The following GTF2A1L variants were observed in gnomAD, a reference collection of about 807,000 sequenced individuals.
GTF2A1L encodes the protein TFIIA-alpha and beta-like factor.
A neutral mutation model predicts 49.7 loss-of-function variants in GTF2A1L; 48 were observed. The ratio of observed to expected loss-of-function variants is 0.97; its 90% confidence interval spans 0.77 to 1.23. The LOEUF is 1.23. Ranked by LOEUF, GTF2A1L falls within the 50% of genes most tolerant of loss-of-function variation. The pLI, the probability that GTF2A1L is intolerant of heterozygous loss-of-function variation, is 0.00. For synonymous variants in GTF2A1L, 246 were observed against 193.5 expected (o/e 1.27, Z -2.25); for missense variants, 736 against 564.8 (o/e 1.30, Z -3.07).
chr2:48,636,855 C>T (rs1317339398), intron 3 of GTF2A1L, among the ~76,000 whole-genome samples: 4 of 152,070 alleles, frequency 2.6e-5, no homozygotes, highest in African/African-American at 9.7e-5. Flanking sequence ...CTATGATTAC[C>T]TTATTTCTAG....
At chr2:48,618,799 G>C (rs1353453009) in intron 1 of GTF2A1L, among the ~76,000 whole-genome samples, 1 of 152,182 alleles carries the variant, frequency 6.6e-6, no homozygotes, top group Non-Finnish European at 1.5e-5. Context: ...AGATGGACTA[G>C]ACATAGTTTT....
At chr2:48,638,152 C>T (rs768869420) in intron 3 of GTF2A1L, among the ~76,000 whole-genome samples, 14 of 152,200 alleles carry the variant, frequency 9.2e-5, no homozygotes, top group East Asian at 7.7e-4. Context: ...ACCTGATGTA[C>T]GAAGAAGAGC....
intron 1 of GTF2A1L, among the ~76,000 whole-genome samples, chr2:48,619,018 A>G (rs934463119): frequency 1.3e-5 from 2 of 152,226 alleles, no homozygotes; most frequent in Non-Finnish European, 2.9e-5. Context: ...GTATGCCTTT[A>G]TCAGGATAAA....
At chr2:48,620,635 G>A (rs1243802536) in intron 1 of GTF2A1L, among the ~76,000 whole-genome samples, 1 of 152,064 alleles carries the variant, frequency 6.6e-6, no homozygotes, top group East Asian at 1.9e-4. Flanking sequence ...AAATTAGCGG[G>A]GCATGGTGGC....
At chr2:48,632,785 C>G (rs1245761043) in intron 3 of GTF2A1L, 1 of 186,722 alleles carries the variant, frequency 5.4e-6, no homozygotes, top group Non-Finnish European at 1.1e-5. Context: ...GTCATTGTGT[C>G]ATGTGGGTGA....
At chr2:48,637,725 G>C (rs930936718) in intron 3 of GTF2A1L, among the ~76,000 whole-genome samples, 32 of 152,146 alleles carry the variant, frequency 2.1e-4, no homozygotes, top group African/African-American at 7.5e-4. Context: ...ATAGGCTGCT[G>C]GCTAGACTAC....
intron 3 of GTF2A1L, among the ~76,000 whole-genome samples, chr2:48,629,988 G>A (rs1676487729): frequency 6.9e-6 from 1 of 143,916 alleles, no homozygotes; most frequent in Non-Finnish European, 1.6e-5. Flanking sequence ...TTATGTTTTT[G>A]TACTGTTGCT....
At chr2:48,647,245 A>G (rs1677571389) in intron 6 of GTF2A1L, 1 of 483,380 alleles carries the variant, frequency 2.1e-6, no homozygotes, top group Admixed American at 3.9e-5. Flanking sequence ...TACCAACTTA[A>G]CCATTTTTAA....
At chr2:48,623,444 A>G (rs1676126240) in intron 3 of GTF2A1L, among the ~76,000 whole-genome samples, 1 of 152,226 alleles carries the variant, frequency 6.6e-6, no homozygotes, top group Non-Finnish European at 1.5e-5. Context: ...GTGAAGCTGC[A>G]GAAAAAAGGG....
intron 5 of GTF2A1L, 121 bp from the exon 6 acceptor site, chr2:48,646,332 T>G: frequency 1.2e-6 from 1 of 844,576 alleles, no homozygotes; most frequent in African/African-American, 1.8e-5. Flanking sequence ...ATAACCACCA[T>G]TAACATATTG....
At chr2:48,640,176 A>G (rs1250675319) in intron 3 of GTF2A1L, among the ~76,000 whole-genome samples, 1 of 152,198 alleles carries the variant, frequency 6.6e-6, no homozygotes, top group African/African-American at 2.4e-5. Context: ...CTGCTATTTG[A>G]CCCAGCAATC....
chr2:48,651,007 C>T (rs1334021233), intron 6 of GTF2A1L, among the ~76,000 whole-genome samples: 1 of 152,028 alleles, frequency 6.6e-6, no homozygotes, highest in Non-Finnish European at 1.5e-5. Flanking sequence ...TTTTTACTAG[C>T]CATTGGGAAA....
intron 7 of GTF2A1L, 41 bp downstream of exon 7, chr2:48,670,023 A>G: frequency 3.8e-6 from 6 of 1,563,620 alleles, no homozygotes; most frequent in Non-Finnish European, 5.2e-6. Context: ...TTATTAATTT[A>G]TAACATTTCT....
chr2:48,618,152 C>G (rs1031347963), intron 1 of GTF2A1L: 2 of 497,858 alleles, frequency 4.0e-6, no homozygotes, highest in Admixed American at 3.8e-5. Context: ...CTGAGGCTAT[C>G]TAGTTGGGGT....
At chr2:48,647,973 C>T (rs143360311) in intron 6 of GTF2A1L, among the ~76,000 whole-genome samples, 25 of 152,150 alleles carry the variant, frequency 1.6e-4, no homozygotes, top group African/African-American at 5.3e-4. Flanking sequence ...CATCTAGACC[C>T]ACTGTACAAA....
intron 6 of GTF2A1L, among the ~76,000 whole-genome samples, chr2:48,668,842 AAAT>A (rs1679012437): frequency 9.6e-6 from 1 of 104,614 alleles, no homozygotes; most frequent in Non-Finnish European, 2.4e-5. Flanking sequence ...CTCAAAAAAT[AAAT>A]AAATAAATAA....
At chr2:48,649,604 G>T (rs998392965) in intron 6 of GTF2A1L, among the ~76,000 whole-genome samples, 3 of 152,164 alleles carry the variant, frequency 2.0e-5, no homozygotes, top group African/African-American at 7.2e-5. Context: ...GATTAGTTAA[G>T]AAAATTAATG....
intron 6 of GTF2A1L, among the ~76,000 whole-genome samples, chr2:48,663,543 C>T (rs1263811445): frequency 2.6e-5 from 4 of 152,248 alleles, no homozygotes; most frequent in South Asian, 2.1e-4. Context: ...AAGTGTAAAG[C>T]ACTGTTATTT....
intron 3 of GTF2A1L, among the ~76,000 whole-genome samples, chr2:48,638,558 A>T (rs1677032070): frequency 6.6e-6 from 1 of 152,228 alleles, no homozygotes; most frequent in Non-Finnish European, 1.5e-5. Flanking sequence ...GAAACTAGGT[A>T]TTGAAGGAAT....
Sources: gnomAD v4.1 joint callset for allele counts (sites outside exome capture counted in the v4.1 genomes callset) on GRCh38, gnomAD v4.1.1 for gene constraint, MANE v1.5 for transcripts, NCBI Gene and HGNC (gene_info 2026-07-23, HGNC 2026-07-21) for gene names.